Variants in CAMSAP2 observed in about 807,000 individuals in gnomAD.
The protein encoded by CAMSAP2 is calmodulin regulated spectrin associated protein family member 2, also known as calmodulin-regulated spectrin-associated protein 2.
Under a neutral mutation model 146.1 loss-of-function variants are expected in CAMSAP2, and 26 were observed. That is an observed-to-expected ratio of 0.18 (90% CI 0.13 to 0.25). CAMSAP2 has a LOEUF of 0.25. Ranked by LOEUF, CAMSAP2 falls within the 10% of genes least tolerant of loss-of-function variation. The probability of loss-of-function intolerance (pLI) is 1.00; values close to 1 mark genes in which losing one functional copy is unlikely to be tolerated. For missense variants in CAMSAP2, 1,381 were observed against 1,759.3 expected, an observed-to-expected ratio of 0.78 and a Z score of 3.85; for synonymous variants, 499 against 596.6, an observed-to-expected ratio of 0.84 and a Z score of 2.38.
chr1:200,761,263 T>A (rs1664793277), intron 2 of CAMSAP2, among the ~76,000 whole-genome samples, 165 bp downstream of exon 2: 2 of 152,362 alleles, frequency 1.3e-5, no homozygotes, highest in Admixed American at 1.3e-4. Context: ...GAAGGAAGAT[T>A]TTAACGATTT....
intron 1 of CAMSAP2, among the ~76,000 whole-genome samples, chr1:200,746,977 A>G (rs1394726187): frequency 6.6e-6 from 1 of 151,662 alleles, no homozygotes; most frequent in Non-Finnish European, 1.5e-5. Context: ...CATGTGATCA[A>G]AGCTCATTGC....
intron 6 of CAMSAP2, among the ~76,000 whole-genome samples, chr1:200,834,917 A>C: frequency 6.6e-6 from 1 of 152,222 alleles, no homozygotes. Context: ...GTCACCAAAA[A>C]CAAAACAAAA....
rs80333688 is a variant in CAMSAP2, at chr1:200,832,116, G to A, written c.646-84G>A. The A allele has an allele frequency of 6.4e-4, 664 of 1,038,974 alleles. 1 individual carries two copies. In the African/African-American group the frequency reaches 9.1e-3, roughly 14 times the overall value. 64.4% of individuals were successfully genotyped at this position (1,038,974 alleles called of 1,614,324 possible). A position where few individuals can be genotyped will look rare whatever the true frequency, so the allele number is the denominator to read the frequency against. On this transcript the variant is annotated intron_variant, in intron 4 of 16. Transcript: ENST00000358823. The surrounding 1 kb of genome is among the most constrained non-coding windows in gnomAD (Gnocchi z 4.2). Reference sequence around the variant, plus strand: ...TTTCTCATGATTTATTTTATTACTGGTACATTAGAATTTACAGTACTGATT... The same window carrying A: ...TTTCTCATGATTTATTTTATTACTGATACATTAGAATTTACAGTACTGATT...
chr1:200,850,251 C>A lies in CAMSAP2; in HGVS notation c.3465+17C>A. On this transcript the variant is annotated intron_variant, in intron 11 of 16. Transcript: ENST00000358823. ...TTTTTTAAGGTGTAGTATTAATCTGCATAGTTTTGGGCATCTTCATTAGAT... is the reference window on the plus strand; with the variant it reads ...TTTTTTAAGGTGTAGTATTAATCTGAATAGTTTTGGGCATCTTCATTAGAT... The A allele has an allele frequency of 6.5e-7, 1 of 1,531,990 alleles. No homozygotes were observed. Among genetic ancestry groups the A allele is most frequent in the Non-Finnish European group, 8.7e-7 (1 of 1,143,444 alleles). 94.9% of individuals were successfully genotyped at this position (1,531,990 alleles called of 1,614,324 possible). A position where few individuals can be genotyped will look rare whatever the true frequency, so the allele number is the denominator to read the frequency against.
intron 6 of CAMSAP2, among the ~76,000 whole-genome samples, chr1:200,838,119 T>A (rs1667229437): frequency 6.6e-6 from 1 of 152,194 alleles, no homozygotes; most frequent in African/African-American, 2.4e-5. Context: ...ATAATCTTCA[T>A]AAGTTTTAAT....
Position 200,738,990 on chromosome 1 carries a change from G to C in CAMSAP2, c.-838G>C, listed in dbSNP as rs952828721. Among the ~76,000 whole-genome samples, 18 of 151,866 alleles carry C rather than the reference G, an allele frequency of 1.2e-4. No homozygotes were observed. The highest frequency in any genetic ancestry group is 3.9e-4 in the East Asian group (2 of 5,164). On this transcript the variant is annotated 5_prime_UTR_variant, in exon 1 of 17. Transcript: ENST00000358823. ...GAACGATCCAGCGAGCTGCAGAAAG[G>C]GGGGCAGGAAAAAATTACAAGGACA...
Position 200,816,720 on chromosome 1 carries a change from G to A in CAMSAP2, c.645+1076G>A, listed in dbSNP as rs538028281. ...CACATATATGTGTATATATACACAC[G>A]CACATATATGTGTGTACACACACAC... On this transcript the variant is annotated intron_variant, in intron 4 of 16. Transcript: ENST00000358823. Among the ~76,000 whole-genome samples, 2 of 92,206 alleles carry A rather than the reference G, an allele frequency of 2.2e-5. 1 individual carries two copies. The highest frequency in any genetic ancestry group is 7.0e-5 in the African/African-American group (2 of 28,588). 60.5% of individuals were successfully genotyped at this position (92,206 alleles called of 152,430 possible). A position where few individuals can be genotyped will look rare whatever the true frequency, so the allele number is the denominator to read the frequency against.
At chr1:200,838,428 A>G (rs953181835) in intron 6 of CAMSAP2, among the ~76,000 whole-genome samples, 2 of 152,224 alleles carry the variant, frequency 1.3e-5, no homozygotes, top group African/African-American at 4.8e-5. Context: ...CTTACTAATC[A>G]GAAATATTGT....
chr1:200,741,602 C>T (rs1476377282), intron 1 of CAMSAP2, among the ~76,000 whole-genome samples: 1 of 152,196 alleles, frequency 6.6e-6, no homozygotes, highest in Non-Finnish European at 1.5e-5. Context: ...TTCTTTCCAT[C>T]TGGAACTGAG....
Position 200,815,563 on chromosome 1 carries a change from A to G in CAMSAP2, c.564A>G (p.Val188=). 1 of 1,498,972 alleles carries G rather than the reference A, an allele frequency of 6.7e-7. No homozygotes were observed. The highest frequency in any genetic ancestry group is 1.3e-5 in the South Asian group (1 of 77,634). 92.9% of individuals were successfully genotyped at this position (1,498,972 alleles called of 1,614,324 possible). A position where few individuals can be genotyped will look rare whatever the true frequency, so the allele number is the denominator to read the frequency against. The stretch of plus-strand genomic sequence containing the variant: ...AACTGATATTTTTATATTTTAAGGT[A>G]AATGAACATTTGAAAGACATAATGG... ...EDAVMYWINK[V]NEHLKDIMEQ... The change falls in exon 4 of 17, where the codon GTA becomes GTG. Residue 188 remains valine (V), a splice_region_variant and synonymous_variant. Coordinates refer to ENST00000358823, the MANE Select transcript of CAMSAP2 (RefSeq NM_203459.4).
intron 6 of CAMSAP2, among the ~76,000 whole-genome samples, 171 bp downstream of exon 6, chr1:200,833,016 G>A (rs1041219114): frequency 5.3e-5 from 8 of 151,792 alleles, no homozygotes; most frequent in South Asian, 2.1e-4. Context: ...AGCGATGATC[G>A]TGCCACTGCA....
chr1:200,783,366 G>C (rs1665493826), intron 2 of CAMSAP2, among the ~76,000 whole-genome samples: 1 of 152,084 alleles, frequency 6.6e-6, no homozygotes, highest in Non-Finnish European at 1.5e-5. Flanking sequence ...CTTTTTCTCA[G>C]TGTCTTATTG....
intron 2 of CAMSAP2, among the ~76,000 whole-genome samples, chr1:200,804,890 T>C (rs1271478051): frequency 6.6e-6 from 1 of 151,662 alleles, no homozygotes; most frequent in Non-Finnish European, 1.5e-5. Context: ...TTTTTTTGCT[T>C]TGCAACAAAA....
chr1:200,793,654 G>C (rs1489153455), intron 2 of CAMSAP2, among the ~76,000 whole-genome samples: 2 of 151,616 alleles, frequency 1.3e-5, no homozygotes, highest in Non-Finnish European at 2.9e-5. Context: ...AATTAAAGTG[G>C]CTTATATTTG....
At chr1:200,806,305 T>A (rs1220179588) in intron 2 of CAMSAP2, among the ~76,000 whole-genome samples, 1 of 152,188 alleles carries the variant, frequency 6.6e-6, no homozygotes, top group Non-Finnish European at 1.5e-5. Context: ...AAATGGTTGC[T>A]AAAGCACATA....
At chr1:200,823,820 G>A (rs1373763122) in intron 4 of CAMSAP2, among the ~76,000 whole-genome samples, 1 of 152,174 alleles carries the variant, frequency 6.6e-6, no homozygotes, top group Admixed American at 6.5e-5. Flanking sequence ...GAGAATACTT[G>A]CATATACTAT....
intron 4 of CAMSAP2, among the ~76,000 whole-genome samples, chr1:200,817,165 C>CACACATAT (rs375085196): frequency 2.9e-5 from 2 of 68,044 alleles, no homozygotes; most frequent in Non-Finnish European, 5.2e-5. Context: ...CATACACACA[C>CACACATAT]GTGTGTGTAT....
At chr1:200,766,868 T>G (rs946245976) in intron 2 of CAMSAP2, among the ~76,000 whole-genome samples, 2 of 152,220 alleles carry the variant, frequency 1.3e-5, no homozygotes, top group Non-Finnish European at 2.9e-5. Flanking sequence ...CTTTCCAAAG[T>G]AATTTCCCCT....
At chr1:200,759,307 T>G (rs1473796490) in intron 1 of CAMSAP2, among the ~76,000 whole-genome samples, 1 of 147,460 alleles carries the variant, frequency 6.8e-6, no homozygotes, top group Non-Finnish European at 1.5e-5. Flanking sequence ...GAGATAGAGT[T>G]TCACTCTTGT....
Sources: allele counts gnomAD v4.1 joint callset (sites outside exome capture counted in the v4.1 genomes callset), GRCh38; gene constraint gnomAD v4.1.1; non-coding constraint Gnocchi (gnomAD v3.1); transcripts MANE v1.5; gene names NCBI Gene and HGNC (gene_info 2026-07-23, HGNC 2026-07-21).